The following IFT43 variants were observed in gnomAD, a reference collection of about 807,000 sequenced individuals.
The protein encoded by IFT43 is intraflagellar transport protein 43 homolog.
IFT43 carries 33 observed loss-of-function variants against 32.3 expected under a neutral mutation model. The ratio of observed to expected loss-of-function variants is 1.02; its 90% confidence interval spans 0.77 to 1.37. The LOEUF is 1.37. Ranked by LOEUF, IFT43 falls within the 40% of genes most tolerant of loss-of-function variation. The pLI, the probability that IFT43 is intolerant of heterozygous loss-of-function variation, is 0.00. For synonymous variants in IFT43, 93 were observed against 98.2 expected, an observed-to-expected ratio of 0.95 and a Z score of 0.31; for missense variants, 274 against 265.9, an observed-to-expected ratio of 1.03 and a Z score of -0.21.
At chr14:76,043,006 C>T (rs1213004904) in intron 3 of IFT43, among the ~76,000 whole-genome samples, 1 of 152,140 alleles carries the variant, frequency 6.6e-6, no homozygotes, top group Non-Finnish European at 1.5e-5. Flanking sequence ...GTGCAGTGGG[C>T]ACAGAGCAGA....
intron 5 of IFT43, among the ~76,000 whole-genome samples, chr14:76,078,193 C>T (rs2037443960): frequency 6.6e-6 from 1 of 152,142 alleles, no homozygotes; most frequent in Admixed American, 6.5e-5. Flanking sequence ...ATGAAAAAAT[C>T]GTTAACAGTG....
At chr14:75,989,343 C>G (rs1327281172) in intron 2 of IFT43, among the ~76,000 whole-genome samples, 1 of 152,072 alleles carries the variant, frequency 6.6e-6, no homozygotes, top group Non-Finnish European at 1.5e-5. Flanking sequence ...TTGGACATTG[C>G]TCTCGGTGGT....
chr14:76,060,691 G>T (rs2037114413), intron 5 of IFT43, among the ~76,000 whole-genome samples: 1 of 151,932 alleles, frequency 6.6e-6, no homozygotes, highest in South Asian at 2.1e-4. Flanking sequence ...TGCTTTATTT[G>T]TCTGAAAATG....
intron 4 of IFT43, chr14:76,059,101 T>C (rs1167356784): frequency 1.4e-6 from 2 of 1,458,964 alleles, no homozygotes; most frequent in Non-Finnish European, 1.8e-6. Context: ...TGCATTCATG[T>C]CATAGCCTCT....
At chr14:76,055,303 A>C (rs1051239826) in intron 3 of IFT43, among the ~76,000 whole-genome samples, 1 of 151,818 alleles carries the variant, frequency 6.6e-6, no homozygotes, top group South Asian at 2.1e-4. Context: ...CCATGATCTC[A>C]ACACTGCACT....
chr14:75,987,047 T>C (rs2035543617), intron 1 of IFT43, among the ~76,000 whole-genome samples: 1 of 152,206 alleles, frequency 6.6e-6, no homozygotes, highest in Non-Finnish European at 1.5e-5. Flanking sequence ...TACACAAAAA[T>C]CAGGCAGTAA....
intron 2 of IFT43, among the ~76,000 whole-genome samples, chr14:76,000,262 C>CTTT (rs35001298): frequency 2.5e-4 from 29 of 115,526 alleles, no homozygotes; most frequent in South Asian, 5.7e-4. Flanking sequence ...TAACTGGCTT[C>CTTT]TTTTTTTTTT....
chr14:76,042,257 T>TAAA (rs531108883), intron 3 of IFT43, among the ~76,000 whole-genome samples: 1 of 131,944 alleles, frequency 7.6e-6, no homozygotes, highest in Non-Finnish European at 1.7e-5. Flanking sequence ...AACTGAAGAG[T>TAAA]AAAAAAAAAA....
In IFT43 at chr14:76,066,172, A is replaced by G. The variant is rs145272941; in HGVS notation, c.295+6799A>G. Among the ~76,000 whole-genome samples, 160 of 152,352 alleles carry G rather than the reference A, an allele frequency of 1.1e-3. 1 individual carries two copies. Among genetic ancestry groups the G allele is most frequent in the African/African-American group, 3.6e-3 (150 of 41,572 alleles). On this transcript the variant is annotated intron_variant, in intron 5 of 8. Coordinates refer to ENST00000314067, the MANE Select transcript of IFT43 (RefSeq NM_001102564.3). ...GAATGATTGATGGGCTGCTTAATAA[A>G]ATTTCATTAAGGAAGGAAAGAAGAA...
intron 5 of IFT43, among the ~76,000 whole-genome samples, chr14:76,074,890 A>G (rs1344082073): frequency 6.6e-6 from 1 of 152,206 alleles, no homozygotes; most frequent in South Asian, 2.1e-4. Context: ...ACCCATTGTC[A>G]GCCAAGAGAG....
chr14:76,053,974 C>G (rs1243430826), intron 3 of IFT43, among the ~76,000 whole-genome samples: 1 of 152,190 alleles, frequency 6.6e-6, no homozygotes, highest in Non-Finnish European at 1.5e-5. Context: ...TCTTCCTCCT[C>G]TCATCCTTTA....
At chr14:76,082,723 G>T (rs374546922) in intron 7 of IFT43, 31 bp downstream of exon 7, 1 of 1,479,018 alleles carries the variant, frequency 6.8e-7, no homozygotes, top group Non-Finnish European at 9.5e-7. Context: ...ATAGAGAGGC[G>T]GGCTCCAAGC....
chr14:76,007,348 G>A (rs1030828335), intron 2 of IFT43, among the ~76,000 whole-genome samples: 4 of 152,188 alleles, frequency 2.6e-5, no homozygotes, highest in Non-Finnish European at 4.4e-5. Context: ...GGGGAATGAA[G>A]CCAGGCATTT....
At chr14:76,059,177 C>G in intron 4 of IFT43, 150 bp from the exon 5 acceptor site, 1 of 1,574,326 alleles carries the variant, frequency 6.4e-7, no homozygotes, top group Non-Finnish European at 8.6e-7. Context: ...CACCCAGTGG[C>G]CTAATTAGGT....
chr14:75,986,003 G>C, intron 1 of IFT43, 163 bp downstream of exon 1: 1 of 1,527,006 alleles, frequency 6.5e-7, no homozygotes, highest in Non-Finnish European at 8.8e-7. Context: ...CCAGGCCACT[G>C]TGGGCTCCGC....
At chr14:76,020,800 G>C (rs2036275865) in intron 2 of IFT43, among the ~76,000 whole-genome samples, 1 of 152,140 alleles carries the variant, frequency 6.6e-6, no homozygotes, top group Admixed American at 6.5e-5. Flanking sequence ...GGTGTACATG[G>C]GTTCTGGTGA....
intron 2 of IFT43, among the ~76,000 whole-genome samples, chr14:76,001,356 G>A (rs1306851088): frequency 6.6e-6 from 1 of 152,206 alleles, no homozygotes; most frequent in East Asian, 1.9e-4. Context: ...CAGAGACCTT[G>A]TTAGGCAATT....
At chr14:76,052,483 C>G (rs554454949) in intron 3 of IFT43, among the ~76,000 whole-genome samples, 1 of 152,226 alleles carries the variant, frequency 6.6e-6, no homozygotes, top group African/African-American at 2.4e-5. Context: ...GCTAGTCCCA[C>G]TCGATCATGA....
At chr14:76,036,966 A>T (rs1439373047) in intron 3 of IFT43, among the ~76,000 whole-genome samples, 1 of 152,190 alleles carries the variant, frequency 6.6e-6, no homozygotes, top group South Asian at 2.1e-4. Flanking sequence ...TAGCTAGGAC[A>T]GGTGCACGCC....
Sources: gnomAD v4.1 joint callset for allele counts (sites outside exome capture counted in the v4.1 genomes callset) on GRCh38, gnomAD v4.1.1 for gene constraint, MANE v1.5 for transcripts, NCBI Gene and HGNC (gene_info 2026-07-23, HGNC 2026-07-21) for gene names.